The following MARCHF1 variants were observed in gnomAD, a reference collection of about 807,000 sequenced individuals.
MARCHF1 encodes membrane associated ring-CH-type finger 1.
MARCHF1 carries 40 observed loss-of-function variants against 54.2 expected under a neutral mutation model. That is an observed-to-expected ratio of 0.74 (90% CI 0.57 to 0.96). The LOEUF (loss-of-function observed/expected upper bound fraction) is 0.96. MARCHF1 is among the 40% of genes least tolerant of loss of function. The pLI is 0.00. For synonymous variants in MARCHF1, 236 were observed against 236.3 expected, an observed-to-expected ratio of 1.00 and a Z score of 0.01; for missense variants, 586 against 656.5, an observed-to-expected ratio of 0.89 and a Z score of 1.17.
At chr4:164,177,700 A>C (rs756164635) in intron 1 of MARCHF1, among the ~76,000 whole-genome samples, 1 of 152,140 alleles carries the variant, frequency 6.6e-6, no homozygotes, top group Non-Finnish European at 1.5e-5. Context: ...CAGGGAAAAC[A>C]AAGGGTTACA....
chr4:164,114,708 T>C (rs760272204), intron 1 of MARCHF1, among the ~76,000 whole-genome samples: 3 of 150,384 alleles, frequency 2.0e-5, no homozygotes, highest in Non-Finnish European at 4.4e-5. Flanking sequence ...TTACGATAAA[T>C]AGTATTGAGA....
At chr4:164,356,227 A>T (rs1730527551) in intron 1 of MARCHF1, among the ~76,000 whole-genome samples, 1 of 112,660 alleles carries the variant, frequency 8.9e-6, no homozygotes, top group Non-Finnish European at 2.1e-5. Context: ...AGGGATCTAG[A>T]ACTAGAAATA....
intron 2 of MARCHF1, among the ~76,000 whole-genome samples, chr4:163,993,142 G>C (rs1753000117): frequency 6.6e-6 from 1 of 152,158 alleles, no homozygotes; most frequent in African/African-American, 2.4e-5. Context: ...ATTAATTGGA[G>C]AGTTAGGGAA....
At chr4:163,653,590 C>T (rs887927686) in intron 5 of MARCHF1, among the ~76,000 whole-genome samples, 2 of 151,450 alleles carry the variant, frequency 1.3e-5, no homozygotes, top group Admixed American at 6.6e-5. Flanking sequence ...AGGACATATG[C>T]TGAAGGACAA....
chr4:164,092,740 C>G (rs1290407522), intron 2 of MARCHF1, among the ~76,000 whole-genome samples: 1 of 152,082 alleles, frequency 6.6e-6, no homozygotes. Flanking sequence ...TGCCACCAGT[C>G]CACTATTGAG....
At chr4:163,538,632 T>A (rs1467428678) in intron 9 of MARCHF1, among the ~76,000 whole-genome samples, 1 of 152,194 alleles carries the variant, frequency 6.6e-6, no homozygotes, top group Non-Finnish European at 1.5e-5. Context: ...AGAGTAGTTT[T>A]CCTGTGCAAA....
chr4:164,181,692 G>A (rs1730838404), intron 1 of MARCHF1, among the ~76,000 whole-genome samples: 1 of 152,098 alleles, frequency 6.6e-6, no homozygotes, highest in African/African-American at 2.4e-5. Context: ...AAATAGATGT[G>A]ATAAGCGCTG....
intron 2 of MARCHF1, among the ~76,000 whole-genome samples, chr4:164,018,390 T>C (rs976253119): frequency 6.6e-6 from 1 of 152,038 alleles, no homozygotes; most frequent in South Asian, 2.1e-4. Flanking sequence ...TATGGCAACA[T>C]ATATATGATT....
At chr4:164,324,567 A>G (rs1032328503) in intron 1 of MARCHF1, among the ~76,000 whole-genome samples, 15 of 151,566 alleles carry the variant, frequency 9.9e-5, no homozygotes, top group Non-Finnish European at 2.1e-4. Context: ...AATTCAATAA[A>G]GTTCTGAATG....
chr4:164,149,002 G>C (rs1560928082), intron 1 of MARCHF1, among the ~76,000 whole-genome samples: 1 of 152,120 alleles, frequency 6.6e-6, no homozygotes, highest in African/African-American at 2.4e-5. Context: ...TGGGTCATGG[G>C]GGGCAGGTCT....
chr4:163,738,378 G>A (rs1240996276), intron 4 of MARCHF1, among the ~76,000 whole-genome samples: 1 of 152,016 alleles, frequency 6.6e-6, no homozygotes, highest in Admixed American at 6.6e-5. Context: ...TTTCCCTCAT[G>A]CCTTATTAAA....
chr4:163,544,223 A>G (rs1390212820), intron 9 of MARCHF1, among the ~76,000 whole-genome samples: 1 of 152,222 alleles, frequency 6.6e-6, no homozygotes, highest in Non-Finnish European at 1.5e-5. Flanking sequence ...TTTAATAAGG[A>G]TGTAATGTGA....
intron 2 of MARCHF1, among the ~76,000 whole-genome samples, chr4:164,099,102 A>C (rs1755478297): frequency 6.6e-6 from 1 of 152,214 alleles, no homozygotes. Context: ...TCTTTGCAAA[A>C]TTTAGCAGGA....
chr4:164,120,015 A>C (rs947389485), intron 1 of MARCHF1, among the ~76,000 whole-genome samples: 3 of 152,040 alleles, frequency 2.0e-5, no homozygotes, highest in African/African-American at 7.2e-5. Flanking sequence ...CAGATAACTA[A>C]ATTTGATTAA....
chr4:163,750,814 T>C (rs928312176), intron 4 of MARCHF1, among the ~76,000 whole-genome samples: 1 of 152,116 alleles, frequency 6.6e-6, no homozygotes. Flanking sequence ...TCCACTAATG[T>C]AGAAGATAAT....
At chr4:164,253,788 A>T (rs1426586631) in intron 1 of MARCHF1, among the ~76,000 whole-genome samples, 2 of 152,202 alleles carry the variant, frequency 1.3e-5, no homozygotes, top group African/African-American at 4.8e-5. Context: ...ATGTCTTTCA[A>T]GAAATAAATG....
intron 3 of MARCHF1, among the ~76,000 whole-genome samples, chr4:163,920,242 T>C (rs1055802605): frequency 5.9e-5 from 9 of 152,138 alleles, no homozygotes; most frequent in Non-Finnish European, 1.2e-4. Context: ...ATAAACACCA[T>C]AAATCCCCTA....
chr4:163,749,442 C>T (rs1379901749), intron 4 of MARCHF1, among the ~76,000 whole-genome samples: 1 of 151,778 alleles, frequency 6.6e-6, no homozygotes, highest in Non-Finnish European at 1.5e-5. Context: ...TGCCTTCTTG[C>T]CCTGGAAATC....
chr4:164,070,112 T>C (rs998331974), intron 2 of MARCHF1, among the ~76,000 whole-genome samples: 1 of 152,154 alleles, frequency 6.6e-6, no homozygotes, highest in Admixed American at 6.5e-5. Flanking sequence ...TGTGGACTAC[T>C]AAAGTGGGGA....
Sources: allele counts gnomAD v4.1 joint callset (sites outside exome capture counted in the v4.1 genomes callset), GRCh38; gene constraint gnomAD v4.1.1; transcripts MANE v1.5; gene names NCBI Gene and HGNC (gene_info 2026-07-23, HGNC 2026-07-21).